Variants in ITGBL1 observed in about 807,000 individuals in gnomAD.
ITGBL1 encodes the protein integrin subunit beta like 1.
Under a neutral mutation model 68.5 loss-of-function variants are expected in ITGBL1, and 51 were observed. The observed-to-expected ratio is 0.74, with a 90% CI of 0.59 to 0.94. ITGBL1 has a LOEUF of 0.94. Ranked by LOEUF, ITGBL1 falls within the 40% of genes least tolerant of loss-of-function variation. ITGBL1 has a pLI of 0.00. For missense variants in ITGBL1, 649 were observed against 647.4 expected (o/e 1.00, Z -0.03); for synonymous variants, 209 against 227.3 (o/e 0.92, Z 0.72).
chr13:101,567,289 C>T (rs2050196562), intron 2 of ITGBL1, among the ~76,000 whole-genome samples: 1 of 152,052 alleles, frequency 6.6e-6, no homozygotes, highest in African/African-American at 2.4e-5. Context: ...AGTAGAGTTT[C>T]ATGTAAGAGT....
At chr13:101,499,601 G>A (rs2048909728) in intron 2 of ITGBL1, among the ~76,000 whole-genome samples, 1 of 152,174 alleles carries the variant, frequency 6.6e-6, no homozygotes, top group African/African-American at 2.4e-5. Context: ...CAAGAGAAGT[G>A]ATCTAGAGTT....
At chr13:101,513,820 A>C (rs1336477471) in intron 2 of ITGBL1, among the ~76,000 whole-genome samples, 1 of 152,116 alleles carries the variant, frequency 6.6e-6, no homozygotes, top group African/African-American at 2.4e-5. Context: ...ATTTTGCACC[A>C]ATATTCTAGA....
At chr13:101,598,568 A>G (rs1263766671) in intron 7 of ITGBL1, among the ~76,000 whole-genome samples, 1 of 151,928 alleles carries the variant, frequency 6.6e-6, no homozygotes, top group African/African-American at 2.4e-5. Context: ...TATATCTCCT[A>G]ATGCTATCCC....
intron 2 of ITGBL1, among the ~76,000 whole-genome samples, chr13:101,538,728 A>G (rs1308070463): frequency 6.6e-6 from 1 of 152,178 alleles, no homozygotes; most frequent in Non-Finnish European, 1.5e-5. Context: ...CCTGGAAATA[A>G]GAGCTCAAAG....
intron 9 of ITGBL1, among the ~76,000 whole-genome samples, chr13:101,708,753 G>A (rs1278574281): frequency 6.6e-6 from 1 of 152,228 alleles, no homozygotes; most frequent in Non-Finnish European, 1.5e-5. Flanking sequence ...AGATGACAGT[G>A]TCCTTGGTTT....
At chr13:101,643,900 C>G (rs2032472524) in intron 7 of ITGBL1, among the ~76,000 whole-genome samples, 1 of 152,128 alleles carries the variant, frequency 6.6e-6, no homozygotes, top group Non-Finnish European at 1.5e-5. Context: ...CAATGAATAC[C>G]AAGCTCTTTC....
chr13:101,656,837 C>T (rs548875753), intron 7 of ITGBL1, among the ~76,000 whole-genome samples: 101 of 152,110 alleles, frequency 6.6e-4, no homozygotes, highest in Non-Finnish European at 1.2e-3. Flanking sequence ...ACTTATTTTT[C>T]TTTTTGTCAA....
intron 2 of ITGBL1, among the ~76,000 whole-genome samples, chr13:101,550,269 C>T (rs545983022): frequency 6.6e-6 from 1 of 152,044 alleles, no homozygotes; most frequent in Non-Finnish European, 1.5e-5. Flanking sequence ...TGGTGCCTGC[C>T]TCTGGAGAAA....
At chr13:101,587,563 G>A (rs2050577923) in intron 6 of ITGBL1, among the ~76,000 whole-genome samples, 1 of 152,044 alleles carries the variant, frequency 6.6e-6, no homozygotes, top group South Asian at 2.1e-4. Flanking sequence ...TTACCACTCA[G>A]GTCTATTTAC....
chr13:101,552,074 G>C (rs2049930382), intron 2 of ITGBL1, among the ~76,000 whole-genome samples: 1 of 152,102 alleles, frequency 6.6e-6, no homozygotes, highest in Admixed American at 6.5e-5. Context: ...GGTTTTAAAT[G>C]GCTTCAAAAC....
At chr13:101,689,842 T>A (rs2033845088) in intron 7 of ITGBL1, among the ~76,000 whole-genome samples, 1 of 152,198 alleles carries the variant, frequency 6.6e-6, no homozygotes, top group Non-Finnish European at 1.5e-5. Context: ...CAAGAATTTA[T>A]CCTTTTGAGT....
chr13:101,527,013 A>G (rs2049392076), intron 2 of ITGBL1, among the ~76,000 whole-genome samples: 1 of 152,138 alleles, frequency 6.6e-6, no homozygotes, highest in African/African-American at 2.4e-5. Flanking sequence ...TTTTAAAGCT[A>G]GATACCTTCT....
At chr13:101,481,067 CAT>C (rs2048614016) in intron 2 of ITGBL1, among the ~76,000 whole-genome samples, 1 of 45,268 alleles carries the variant, frequency 2.2e-5, no homozygotes, top group South Asian at 8.7e-4. Flanking sequence ...TATACACACA[CAT>C]ACATATATAT....
intron 7 of ITGBL1, among the ~76,000 whole-genome samples, chr13:101,665,567 T>C (rs1390718920): frequency 1.3e-5 from 2 of 152,182 alleles, no homozygotes; most frequent in Non-Finnish European, 2.9e-5. Flanking sequence ...GAATAATGAC[T>C]GTAGCATTTC....
intron 7 of ITGBL1, among the ~76,000 whole-genome samples, chr13:101,612,743 C>T (rs187779697): frequency 6.6e-6 from 1 of 152,078 alleles, no homozygotes; most frequent in Non-Finnish European, 1.5e-5. Context: ...TGTGACCACA[C>T]AAGGGTATGA....
At chr13:101,597,943 T>C (rs1171345412) in intron 6 of ITGBL1, among the ~76,000 whole-genome samples, 3 of 152,166 alleles carry the variant, frequency 2.0e-5, no homozygotes, top group African/African-American at 7.2e-5. Context: ...AAACTGTTTA[T>C]CTTATCTGTT....
chr13:101,586,181 C>G (rs1284285755), intron 6 of ITGBL1, among the ~76,000 whole-genome samples: 3 of 152,176 alleles, frequency 2.0e-5, no homozygotes, highest in African/African-American at 4.8e-5. Context: ...TCACCTATTC[C>G]CCTCCAACCC....
chr13:101,470,109 C>T (rs2048437192), intron 2 of ITGBL1, among the ~76,000 whole-genome samples: 1 of 152,146 alleles, frequency 6.6e-6, no homozygotes, highest in Non-Finnish European at 1.5e-5. Flanking sequence ...GCAACAGGAG[C>T]TGGATCTCCA....
intron 7 of ITGBL1, among the ~76,000 whole-genome samples, chr13:101,618,616 A>T (rs2031461309): frequency 1.3e-5 from 2 of 151,784 alleles, no homozygotes; most frequent in South Asian, 4.2e-4. Context: ...AGACTCTCTC[A>T]CTCTTTCACT....
Sources: gnomAD v4.1 joint callset for allele counts (sites outside exome capture counted in the v4.1 genomes callset) on GRCh38, gnomAD v4.1.1 for gene constraint, MANE v1.5 for transcripts, NCBI Gene and HGNC (gene_info 2026-07-23, HGNC 2026-07-21) for gene names.